Variants in NPLOC4 observed in about 807,000 individuals in gnomAD.
The protein encoded by NPLOC4 is NPL4 homolog, ubiquitin recognition factor.
In NPLOC4, 18 loss-of-function variants were observed where a neutral mutation model predicts 80.6. The observed-to-expected ratio is 0.22, with a 90% CI of 0.15 to 0.33. NPLOC4 has a LOEUF of 0.33. Among genes scored for constraint, NPLOC4 ranks in the 10% least tolerant of loss-of-function variants. The pLI is 1.00. For synonymous variants in NPLOC4, 313 were observed against 301.5 expected (o/e 1.04, Z -0.39); for missense variants, 540 against 786.1 (o/e 0.69, Z 3.74).
chr17:81,576,593 T>C (rs1219574732), intron 12 of NPLOC4, among the ~76,000 whole-genome samples: 1 of 152,174 alleles, frequency 6.6e-6, no homozygotes, highest in Non-Finnish European at 1.5e-5. Flanking sequence ...TTAAGGTATC[T>C]TTGAAATCAG....
intron 7 of NPLOC4, 83 bp from the exon 8 acceptor site, chr17:81,604,810 A>G: frequency 7.9e-7 from 1 of 1,271,220 alleles, no homozygotes; most frequent in Non-Finnish European, 1.1e-6. Flanking sequence ...CCATTCATAA[A>G]TATCTTTTAC....
In NPLOC4 at chr17:81,620,525, A is replaced by AC. The variant is rs564954003; in HGVS notation, c.209+1640dup. 1.6e-3 allele frequency among the ~76,000 whole-genome samples: 245 copies of AC among 152,066 alleles called. 1 individual carries two copies. The highest frequency in any genetic ancestry group is 5.6e-3 in the African/African-American group (234 of 41,492). ...AAAATAAATAAATAAAAAAATGCAAACCGGTGATTACTGTTAGGGAAGCTT... is the reference window on the plus strand; with the variant it reads ...AAAATAAATAAATAAAAAAATGCAAACCCGGTGATTACTGTTAGGGAAGCTT... On this transcript the variant is annotated intron_variant, in intron 3 of 16. Coordinates refer to ENST00000331134, the MANE Select transcript of NPLOC4 (RefSeq NM_017921.4).
At chr17:81,634,430 G>A (rs1473739198) in intron 1 of NPLOC4, among the ~76,000 whole-genome samples, 2 of 145,600 alleles carry the variant, frequency 1.4e-5, no homozygotes, top group Non-Finnish European at 3.0e-5. Context: ...TGAGAGCCTA[G>A]CCTTATACAC....
At chr17:81,590,716 G>C (rs565193439) in intron 11 of NPLOC4, among the ~76,000 whole-genome samples, 1 of 152,154 alleles carries the variant, frequency 6.6e-6, no homozygotes, top group South Asian at 2.1e-4. Flanking sequence ...TTGACAAAAA[G>C]AATCACTTAT....
intron 13 of NPLOC4, 74 bp downstream of exon 13, chr17:81,571,943 C>G: frequency 9.8e-6 from 11 of 1,118,416 alleles, no homozygotes; most frequent in Non-Finnish European, 1.4e-5. Context: ...CCTTGAGCAG[C>G]CACCACCCAG....
intron 1 of NPLOC4, 37 bp downstream of exon 1, chr17:81,636,879 C>T: frequency 7.1e-7 from 1 of 1,404,072 alleles, no homozygotes; most frequent in South Asian, 1.5e-5. Flanking sequence ...GCTGCCTCAT[C>T]CCGGCGTCCC....
intron 15 of NPLOC4, chr17:81,566,997 A>T (rs2034030834): frequency 5.5e-6 from 1 of 183,316 alleles, no homozygotes; most frequent in East Asian, 1.4e-4. Context: ...GGGCCAAGGC[A>T]ATAAAACCAG....
At chr17:81,565,480 C>T (rs746927334) in intron 16 of NPLOC4, 25 bp downstream of exon 16, 42 of 1,521,946 alleles carry the variant, frequency 2.8e-5, no homozygotes, top group South Asian at 2.2e-4. Context: ...CACGGGGTGC[C>T]GGGGCAGGGG....
chr17:81,613,919 T>C (rs989217537), intron 3 of NPLOC4, among the ~76,000 whole-genome samples: 2 of 151,980 alleles, frequency 1.3e-5, no homozygotes, highest in South Asian at 4.2e-4. Flanking sequence ...GTATCTCCAC[T>C]GCTTTCTCGG....
chr17:81,604,754 TGAAAACATGCCATCAAAAA>T, intron 7 of NPLOC4, 27 bp from the exon 8 acceptor site: 1 of 1,571,974 alleles, frequency 6.4e-7, no homozygotes, highest in Non-Finnish European at 8.7e-7. Flanking sequence ...AGTGGGCTGA[TGAAAACATGCCATCAAAAA>T]GAAATCACTT....
chr17:81,585,393 G>A (rs1207237952), intron 12 of NPLOC4, among the ~76,000 whole-genome samples: 2 of 152,028 alleles, frequency 1.3e-5, no homozygotes, highest in African/African-American at 4.8e-5. Context: ...GCCGGGTGTG[G>A]TGGTTCACGC....
chr17:81,599,894 G>A (rs1264483326), intron 9 of NPLOC4, among the ~76,000 whole-genome samples: 1 of 152,190 alleles, frequency 6.6e-6, no homozygotes, highest in Non-Finnish European at 1.5e-5. Context: ...CCAAGTGCAT[G>A]GCACAGAACA....
chr17:81,628,337 AC>A (rs1407472598), intron 2 of NPLOC4, among the ~76,000 whole-genome samples: 3 of 151,930 alleles, frequency 2.0e-5, no homozygotes, highest in African/African-American at 7.3e-5. Flanking sequence ...AGATAGTGAA[AC>A]CCCGTCTCTA....
intron 2 of NPLOC4, among the ~76,000 whole-genome samples, chr17:81,624,628 T>G (rs1381893293): frequency 6.6e-6 from 1 of 151,900 alleles, no homozygotes; most frequent in East Asian, 1.9e-4. Flanking sequence ...AAGACAAGGT[T>G]CCTGCTGTCA....
chr17:81,588,359 C>T lies in NPLOC4; in HGVS notation c.1281+585G>A, dbSNP rs192050385. 1.8e-4 allele frequency among the ~76,000 whole-genome samples: 28 copies of T among 152,294 alleles called. No individual in the cohort carries two copies. The East Asian group carries it at 2.9e-3, about 16-fold the overall frequency. ...CCCGAAACATCTCCCACGGTCTTCTCATCTCCACCCCTATCCTTGAGACAG... is the reference window on the plus strand; with the variant it reads ...CCCGAAACATCTCCCACGGTCTTCTTATCTCCACCCCTATCCTTGAGACAG... On this transcript the variant is annotated intron_variant, in intron 12 of 16. Coordinates refer to ENST00000331134, the MANE Select transcript of NPLOC4 (RefSeq NM_017921.4).
intron 15 of NPLOC4, among the ~76,000 whole-genome samples, chr17:81,566,157 C>T (rs527566763): frequency 2.2e-4 from 34 of 152,136 alleles, no homozygotes; most frequent in Non-Finnish European, 4.3e-4. Flanking sequence ...CGTGGCGAAA[C>T]CCCGTCTCTA....
At chr17:81,636,625 G>A (rs558328474) in intron 1 of NPLOC4, 83 of 316,642 alleles carry the variant, frequency 2.6e-4, no homozygotes, top group African/African-American at 1.5e-3. Flanking sequence ...GGGAAGGAGG[G>A]CGGTTTCTCT....
Position 81,573,610 on chromosome 17 carries a change from T to TA in NPLOC4, c.1282-1523dup, listed in dbSNP as rs1485021966. 2.6e-5 allele frequency: 4 copies of TA among 152,150 alleles called. No homozygotes were observed. In the East Asian group the frequency reaches 5.8e-4, roughly 22 times the overall value. 9.4% of individuals were successfully genotyped at this position (152,150 alleles called of 1,614,324 possible). A position where few individuals can be genotyped will look rare whatever the true frequency, so the allele number is the denominator to read the frequency against. ...GTACTTGACTAGTCTTAAAAAATAA[T>TA]AAAAAATTTTTAAATTCAATTTCTG... On this transcript the variant is annotated intron_variant, in intron 12 of 16. Transcript: ENST00000331134.
chr17:81,581,737 T>C (rs368793482), intron 12 of NPLOC4, among the ~76,000 whole-genome samples: 2 of 152,066 alleles, frequency 1.3e-5, no homozygotes, highest in East Asian at 3.9e-4. Flanking sequence ...TTCCAGACAC[T>C]AGAGCCACTG....
Sources: gnomAD v4.1 joint callset for allele counts (sites outside exome capture counted in the v4.1 genomes callset) on GRCh38, gnomAD v4.1.1 for gene constraint, MANE v1.5 for transcripts, NCBI Gene and HGNC (gene_info 2026-07-23, HGNC 2026-07-21) for gene names.